ARHGEF37: variants seen among roughly 807,000 people sequenced by gnomAD.
ARHGEF37 encodes the protein Rho guanine nucleotide exchange factor 37, also known as Rho guanine nucleotide exchange factor (GEF) 37.
Under a neutral mutation model 71.1 loss-of-function variants are expected in ARHGEF37, and 55 were observed. The ratio of observed to expected loss-of-function variants is 0.77; its 90% confidence interval spans 0.62 to 0.97. ARHGEF37 has a LOEUF of 0.97. Among genes scored for constraint, ARHGEF37 ranks in the 50% least tolerant of loss-of-function variants. ARHGEF37 has a pLI of 0.00. For synonymous variants in ARHGEF37, 327 were observed against 350.6 expected, an observed-to-expected ratio of 0.93 and a Z score of 0.75; for missense variants, 765 against 836.8, an observed-to-expected ratio of 0.91 and a Z score of 1.06.
chr5:149,602,445 C>CTTT (rs1420668967), intron 3 of ARHGEF37, among the ~76,000 whole-genome samples: 1 of 151,120 alleles, frequency 6.6e-6, no homozygotes, highest in African/African-American at 2.4e-5. Context: ...CAGTTGGGGG[C>CTTT]TTTACTGTGG....
In ARHGEF37 at chr5:149,623,994, G is replaced by A; in HGVS notation, c.1336-18G>A. 6.3e-7 allele frequency: 1 copy of A among 1,585,196 alleles called. No homozygotes were observed. Among genetic ancestry groups the A allele is most frequent in the Non-Finnish European group, 8.6e-7 (1 of 1,158,394 alleles). ...CCCCTCTTGCCCAGCTCTGTTGACAGTGTCTGTCCCCACTTAGCTGCCCCA... is the reference window on the plus strand; with the variant it reads ...CCCCTCTTGCCCAGCTCTGTTGACAATGTCTGTCCCCACTTAGCTGCCCCA... On this transcript the variant is annotated intron_variant, in intron 9 of 12. Coordinates refer to ENST00000333677, the MANE Select transcript of ARHGEF37 (RefSeq NM_001001669.3).
chr5:149,562,881 A>G (rs1762851127), intron 1 of ARHGEF37, among the ~76,000 whole-genome samples: 1 of 152,224 alleles, frequency 6.6e-6, no homozygotes, highest in African/African-American at 2.4e-5. Context: ...GGAGTAAAGT[A>G]GCAGAGATTA....
At chr5:149,631,944 A>T (rs1561813930) in intron 12 of ARHGEF37, 38 bp from the exon 13 acceptor site, 1 of 1,604,936 alleles carries the variant, frequency 6.2e-7, no homozygotes, top group East Asian at 2.2e-5. Context: ...CTACCTTCTC[A>T]CCCTGACCAT....
At position 149,598,744 on chromosome 5, in the gene ARHGEF37, A is replaced by C. The variant is rs549012344; in HGVS notation, c.186+789A>C. ...TCCAGAAAAAATAAATCTCATATATATATATCTATATATAGATATAGATAT... is the reference window on the plus strand; with the variant it reads ...TCCAGAAAAAATAAATCTCATATATCTATATCTATATATAGATATAGATAT... On this transcript the variant is annotated intron_variant, in intron 2 of 12. Coordinates refer to ENST00000333677, the MANE Select transcript of ARHGEF37 (RefSeq NM_001001669.3). Among the ~76,000 whole-genome samples the C allele has an allele frequency of 9.3e-3, 707 of 75,716 alleles. 17 individuals are homozygous for C. The highest frequency in any genetic ancestry group is 0.033 in the African/African-American group (675 of 20,684). 49.7% of individuals were successfully genotyped at this position (75,716 alleles called of 152,430 possible). A position where few individuals can be genotyped will look rare whatever the true frequency, so the allele number is the denominator to read the frequency against.
At chr5:149,583,416 G>A (rs1015662246) in intron 1 of ARHGEF37, among the ~76,000 whole-genome samples, 4 of 152,018 alleles carry the variant, frequency 2.6e-5, no homozygotes, top group African/African-American at 9.7e-5. Flanking sequence ...GATTACAGGC[G>A]TGAGCCACTG....
chr5:149,620,392 C>T lies in ARHGEF37; in HGVS notation c.933C>T (p.Asp311=). 1.2e-6 allele frequency: 2 copies of T among 1,612,554 alleles called. No homozygotes were observed. The highest frequency in any genetic ancestry group is 1.7e-6 in the Non-Finnish European group (2 of 1,179,340). Residue 311 remains aspartate (D), a synonymous_variant, in exon 8 of 13, where the codon GAC becomes GAT. Transcript: ENST00000333677. ...LYFRPHEYNL[D]IPEGPAVQYC... is the part of the protein sequence containing the mutation. The stretch of plus-strand genomic sequence containing the variant: ...TCAGGCCGCACGAATACAATCTGGA[C>T]ATCCCCGAGGGGCCTGCAGTGCAGT...
At chr5:149,598,753 T>TATATAGATATAG (rs869032002) in intron 2 of ARHGEF37, among the ~76,000 whole-genome samples, 3 of 85,112 alleles carry the variant, frequency 3.5e-5, no homozygotes, top group East Asian at 5.3e-4. Flanking sequence ...TATATATCTA[T>TATATAGATATAG]ATATAGATAT....
chr5:149,604,961 T>C (rs1280491657), intron 3 of ARHGEF37, among the ~76,000 whole-genome samples: 1 of 151,364 alleles, frequency 6.6e-6, no homozygotes. Flanking sequence ...GCATGGTGGC[T>C]CACGCCTGTA....
chr5:149,609,927 C>G (rs1172971056), intron 4 of ARHGEF37, among the ~76,000 whole-genome samples: 1 of 152,216 alleles, frequency 6.6e-6, no homozygotes, highest in Non-Finnish European at 1.5e-5. Context: ...TGAAGGCTGA[C>G]TTGGGGTTCT....
chr5:149,578,342 A>G (rs1324368885), upstream of ARHGEF37, among the ~76,000 whole-genome samples: 1 of 152,184 alleles, frequency 6.6e-6, no homozygotes, highest in Admixed American at 6.5e-5. Flanking sequence ...TCATGGTCAA[A>G]TTTGCAACTG....
chr5:149,595,710 G>A (rs1056976795), intron 1 of ARHGEF37, among the ~76,000 whole-genome samples: 3 of 152,068 alleles, frequency 2.0e-5, no homozygotes, highest in Non-Finnish European at 4.4e-5. Context: ...GGTTAAAGAC[G>A]TGTCCTTCTG....
At chr5:149,581,265 G>A (rs1763098937), upstream of ARHGEF37, among the ~76,000 whole-genome samples, 1 of 152,240 alleles carries the variant, frequency 6.6e-6, no homozygotes, top group African/African-American at 2.4e-5. Flanking sequence ...CTTAATGAGA[G>A]GCCGCGGGAG....
intron 3 of ARHGEF37, among the ~76,000 whole-genome samples, chr5:149,608,654 C>A (rs1763983728): frequency 1.3e-5 from 2 of 151,912 alleles, no homozygotes; most frequent in Non-Finnish European, 2.9e-5. Context: ...ATAGGCGTGA[C>A]CCACCACACC....
At chr5:149,573,260 T>C (rs1762989267) in intron 1 of ARHGEF37, among the ~76,000 whole-genome samples, 1 of 152,126 alleles carries the variant, frequency 6.6e-6, no homozygotes, top group Non-Finnish European at 1.5e-5. Flanking sequence ...CACCACCACA[T>C]GGGAACAAAT....
Position 149,618,137 on chromosome 5 carries a change from G to A in ARHGEF37, c.659-39G>A, listed in dbSNP as rs764654664. ...CCGTGACATCCACTTTCCTGAGTTG[G>A]CTTGATCACCGTGCTTCCCCTCTTC... On this transcript the variant is annotated intron_variant, in intron 5 of 12. Transcript: ENST00000333677. 2.5e-6 allele frequency: 4 copies of A among 1,611,520 alleles called. No homozygotes were observed. In the African/African-American group the frequency reaches 4.0e-5, roughly 16 times the overall value.
chr5:149,579,611 T>G (rs1381560203), upstream of ARHGEF37, among the ~76,000 whole-genome samples: 1 of 152,054 alleles, frequency 6.6e-6, no homozygotes, highest in African/African-American at 2.4e-5. Flanking sequence ...GGACAGAGTC[T>G]CACTCTGTCG....
chr5:149,576,755 A>T (rs1208437362), upstream of ARHGEF37, among the ~76,000 whole-genome samples: 1 of 152,214 alleles, frequency 6.6e-6, no homozygotes, highest in East Asian at 1.9e-4. Context: ...CAGGAGTTTA[A>T]GACCAGCCTG....
rs1009188903 is a variant in ARHGEF37 at position 149,561,988 on chromosome 5, C to G, written c.-12+9865C>G. Among the ~76,000 whole-genome samples, 5 of 152,290 alleles carry G rather than the reference C, an allele frequency of 3.3e-5. No homozygotes were observed. The South Asian group carries it at 1.0e-3, about 32-fold the overall frequency. The stretch of plus-strand genomic sequence containing the variant: ...TACTCACTATAGTAATCTAACTCTT[C>G]TTTGTGAGACTAAATTTGGAAGATG... On this transcript the variant is annotated intron_variant, in intron 1 of 2. Coordinates refer to the ARHGEF37 transcript ENST00000505810.
intron 1 of ARHGEF37, among the ~76,000 whole-genome samples, chr5:149,554,138 G>T (rs547642996): frequency 3.3e-5 from 5 of 152,034 alleles, no homozygotes; most frequent in African/African-American, 1.2e-4. Context: ...ACTGCACTCC[G>T]GCCTGGGCAA....
Sources: allele counts gnomAD v4.1 joint callset (sites outside exome capture counted in the v4.1 genomes callset), GRCh38; gene constraint gnomAD v4.1.1; transcripts MANE v1.5; gene names NCBI Gene and HGNC (gene_info 2026-07-23, HGNC 2026-07-21).